The following LARGE1 variants were observed in gnomAD, a reference collection of about 807,000 sequenced individuals.
The protein encoded by LARGE1 is xylosyl- and glucuronyltransferase LARGE1.
A neutral mutation model predicts 87.6 loss-of-function variants in LARGE1; 43 were observed. The observed-to-expected ratio is 0.49, with a 90% CI of 0.38 to 0.63. The LOEUF is 0.63. Ranked by LOEUF, LARGE1 falls within the 30% of genes least tolerant of loss-of-function variation. The pLI is 0.00. For synonymous variants in LARGE1, 434 were observed against 394.6 expected (o/e 1.10, Z -1.18); for missense variants, 802 against 1,000.2 (o/e 0.80, Z 2.67).
At chr22:33,742,568 A>G (rs1159047488) in intron 2 of LARGE1, among the ~76,000 whole-genome samples, 1 of 152,166 alleles carries the variant, frequency 6.6e-6, no homozygotes, top group Non-Finnish European at 1.5e-5. Context: ...TGTAGCCAGC[A>G]AGTCGCAGCA....
intron 3 of LARGE1, among the ~76,000 whole-genome samples, chr22:33,629,895 C>T (rs2080048707): frequency 6.6e-6 from 1 of 152,140 alleles, no homozygotes; most frequent in Non-Finnish European, 1.5e-5. Context: ...TGGTGGCACA[C>T]ACCATCACTG....
chr22:33,073,441 G>A, the LARGE1 span, among the ~76,000 whole-genome samples: 1 of 152,080 alleles, frequency 6.6e-6, no homozygotes, highest in Non-Finnish European at 1.5e-5. Flanking sequence ...GGAGTTTTAA[G>A]CTATGCCGGG....
chr22:33,818,397 A>G (rs984225777), intron 1 of LARGE1, among the ~76,000 whole-genome samples: 3 of 152,220 alleles, frequency 2.0e-5, no homozygotes, highest in African/African-American at 7.2e-5. Flanking sequence ...TAGGTGTTCA[A>G]TGAATATTTT....
At chr22:33,873,716 T>C (rs2064376491) in intron 1 of LARGE1, among the ~76,000 whole-genome samples, 1 of 152,128 alleles carries the variant, frequency 6.6e-6, no homozygotes, top group Non-Finnish European at 1.5e-5. Flanking sequence ...CTCAGATTCA[T>C]ATGCCATTCT....
chr22:33,799,467 T>C (rs2086090081), intron 1 of LARGE1, among the ~76,000 whole-genome samples: 1 of 152,050 alleles, frequency 6.6e-6, no homozygotes, highest in Admixed American at 6.6e-5. Context: ...TGAGAAGTTG[T>C]TTTGCTCTTG....
chr22:33,537,850 C>T (rs5754600), intron 6 of LARGE1, among the ~76,000 whole-genome samples: 81,970 of 151,984 alleles, frequency 0.54, 22,693 homozygotes, highest in Admixed American at 0.64. Context: ...GGATTACGGG[C>T]GTGAGCCACC....
At chr22:33,532,367 G>T (rs1354477935) in intron 6 of LARGE1, among the ~76,000 whole-genome samples, 1 of 152,170 alleles carries the variant, frequency 6.6e-6, no homozygotes, top group Non-Finnish European at 1.5e-5. Flanking sequence ...GTCCCCACAG[G>T]ATCTAGGTTG....
intron 6 of LARGE1, among the ~76,000 whole-genome samples, chr22:33,442,484 G>C (rs2067514080): frequency 6.6e-6 from 1 of 152,066 alleles, no homozygotes; most frequent in Non-Finnish European, 1.5e-5. Context: ...TCTGATACAG[G>C]GTAGGTTTGG....
rs576850807 is a variant in LARGE1 at position 33,664,248 on chromosome 22, A to G, written c.107-13580T>C. Among the ~76,000 whole-genome samples the G allele has an allele frequency of 2.0e-5, 3 of 152,282 alleles. No homozygotes were observed. The South Asian group carries it at 6.2e-4, about 32-fold the overall frequency. ...GGAGTCCTTTCATGTCCCCACATCC[A>G]AACCACAGCCTTGGATTTCCACCTC... On this transcript the variant is annotated intron_variant, in intron 2 of 14. Coordinates refer to ENST00000397394, the MANE Select transcript of LARGE1 (RefSeq NM_133642.5).
chr22:33,086,986 A>G, the LARGE1 span, among the ~76,000 whole-genome samples: 38 of 152,334 alleles, frequency 2.5e-4, no homozygotes, highest in Non-Finnish European at 2.9e-5. Context: ...ATTTTTCAGG[A>G]GGAACTTATC....
Position 33,427,615 on chromosome 22 carries a change from T to C in LARGE1, c.892+4546A>G, listed in dbSNP as rs952133187. Among the ~76,000 whole-genome samples, 11 of 152,260 alleles carry C rather than the reference T, an allele frequency of 7.2e-5. No individual in the cohort carries two copies. In the East Asian group the frequency reaches 7.7e-4, roughly 11 times the overall value. On this transcript the variant is annotated intron_variant, in intron 7 of 14. Coordinates refer to ENST00000397394, the MANE Select transcript of LARGE1 (RefSeq NM_133642.5). ...GATGAGTCAATGAATGAATGTGTAG[T>C]GAAGAGGCTGTGTTTGATGTCTGCG...
the LARGE1 span, among the ~76,000 whole-genome samples, chr22:33,130,081 A>G: frequency 2.6e-5 from 4 of 151,632 alleles, no homozygotes; most frequent in Non-Finnish European, 4.4e-5. Flanking sequence ...TTGGGAGGCC[A>G]AGGCGGGCGG....
chr22:33,135,499 T>C, the LARGE1 span, among the ~76,000 whole-genome samples: 2 of 152,254 alleles, frequency 1.3e-5, no homozygotes, highest in Non-Finnish European at 1.5e-5. Context: ...ATAAATTTGT[T>C]GCTACATTTT....
the LARGE1 span, among the ~76,000 whole-genome samples, chr22:33,155,261 T>C: frequency 3.9e-5 from 6 of 151,990 alleles, no homozygotes; most frequent in Middle Eastern, 3.2e-3. Context: ...CAGGTAGAGG[T>C]TGGAACACTT....
intron 5 of LARGE1, among the ~76,000 whole-genome samples, chr22:33,597,171 C>T (rs1413274602): frequency 5.3e-5 from 8 of 151,650 alleles, no homozygotes; most frequent in African/African-American, 1.9e-4. Flanking sequence ...AAACCAGGCC[C>T]AGCAGCCAGA....
intron 6 of LARGE1, among the ~76,000 whole-genome samples, chr22:33,511,147 T>C (rs921888536): frequency 6.6e-6 from 1 of 152,198 alleles, no homozygotes. Context: ...GACAGATGTT[T>C]CCACATGTGG....
chr22:33,363,982 A>T (rs974144697), intron 9 of LARGE1, among the ~76,000 whole-genome samples: 1 of 149,496 alleles, frequency 6.7e-6, no homozygotes, highest in Admixed American at 6.6e-5. Context: ...GCCCTCAGGG[A>T]TGACCCAAGA....
intron 11 of LARGE1, among the ~76,000 whole-genome samples, chr22:33,179,899 T>G (rs2146162180): frequency 6.6e-6 from 1 of 151,964 alleles, no homozygotes; most frequent in South Asian, 2.1e-4. Context: ...GTGACAGTAT[T>G]AAGAGGTGGG....
At chr22:33,730,980 C>A (rs938270768) in intron 2 of LARGE1, among the ~76,000 whole-genome samples, 6 of 150,194 alleles carry the variant, frequency 4.0e-5, no homozygotes, top group Admixed American at 4.0e-4. Context: ...CAGGCGTGAA[C>A]CACTGCGCCC....
Sources: gnomAD v4.1 joint callset for allele counts (sites outside exome capture counted in the v4.1 genomes callset) on GRCh38, gnomAD v4.1.1 for gene constraint, MANE v1.5 for transcripts, NCBI Gene and HGNC (gene_info 2026-07-23, HGNC 2026-07-21) for gene names.